NAALAD2: variants seen among roughly 807,000 people sequenced by gnomAD.
NAALAD2 encodes N-acetylated alpha-linked acidic dipeptidase 2.
Under a neutral mutation model 95.6 loss-of-function variants are expected in NAALAD2, and 89 were observed. The observed-to-expected ratio is 0.93, with a 90% CI of 0.78 to 1.11. NAALAD2 has a LOEUF of 1.11. Ranked by LOEUF, NAALAD2 falls within the 50% of genes least tolerant of loss-of-function variation. The pLI is 0.00. For missense variants in NAALAD2, 894 were observed against 872.4 expected, an observed-to-expected ratio of 1.02 and a Z score of -0.31; for synonymous variants, 264 against 294.4, an observed-to-expected ratio of 0.90 and a Z score of 1.06.
intron 8 of NAALAD2, among the ~76,000 whole-genome samples, chr11:90,159,918 C>T (rs1024688943): frequency 7.2e-6 from 1 of 139,600 alleles, no homozygotes; most frequent in Admixed American, 7.5e-5. Flanking sequence ...CGCGCCATTG[C>T]ACTTGAGCCT....
intron 11 of NAALAD2, among the ~76,000 whole-genome samples, chr11:90,167,360 TG>T (rs1326827363): frequency 1.3e-5 from 2 of 152,200 alleles, no homozygotes; most frequent in African/African-American, 4.8e-5. Flanking sequence ...GATTTCTCGC[TG>T]GGCCTTAGCT....
At chr11:90,184,907 T>C (rs1857088384) in intron 18 of NAALAD2, among the ~76,000 whole-genome samples, 2 of 152,202 alleles carry the variant, frequency 1.3e-5, no homozygotes, top group Admixed American at 1.3e-4. Context: ...TACAGACCTT[T>C]TTTGGGTCAT....
chr11:90,190,337 T>C (rs368394171), intron 18 of NAALAD2, among the ~76,000 whole-genome samples: 8 of 152,168 alleles, frequency 5.3e-5, no homozygotes, highest in East Asian at 3.8e-4. Flanking sequence ...AGTATTCTGA[T>C]TTTTAAAAAA....
In NAALAD2 at chr11:90,180,064, T is replaced by C. The variant is rs575450014; in HGVS notation, c.1859-1556T>C. ...TGTTAGTGTAGGAATGAAGGTATAA[T>C]TGATGAATGAATGAATGAATGAATG... On this transcript the variant is annotated intron_variant, in intron 16 of 18. Coordinates refer to ENST00000534061, the MANE Select transcript of NAALAD2 (RefSeq NM_005467.4). 6.1e-5 allele frequency among the ~76,000 whole-genome samples: 8 copies of C among 131,998 alleles called. No individual in the cohort carries two copies. In the East Asian group the frequency reaches 1.3e-3, roughly 22 times the overall value. 86.6% of individuals were successfully genotyped at this position (131,998 alleles called of 152,430 possible). A position where few individuals can be genotyped will look rare whatever the true frequency, so the allele number is the denominator to read the frequency against.
rs57694347 is a variant in NAALAD2 at position 90,177,586 on chromosome 11, G to GT, written c.1594-229dup. On this transcript the variant is annotated intron_variant, in intron 15 of 18. Coordinates refer to ENST00000534061, the MANE Select transcript of NAALAD2 (RefSeq NM_005467.4). Reference sequence around the variant, plus strand: ...TATGGTTGTATTTTTTCTTTTTCTTGTTTTTTTTTTTTTTTTTTTTTTTTT... The same window carrying GT: ...TATGGTTGTATTTTTTCTTTTTCTTGTTTTTTTTTTTTTTTTTTTTTTTTTT... Among the ~76,000 whole-genome samples, 20 of 28,458 alleles carry GT rather than the reference G, an allele frequency of 7.0e-4. 8 individuals are homozygous for GT. Among genetic ancestry groups the GT allele is most frequent in the African/African-American group, 1.2e-3 (9 of 7,250 alleles). The allele number at this position is 28,458 out of a possible 152,430, so 18.7% of individuals were successfully genotyped here.
In NAALAD2 at chr11:90,174,037, A is replaced by G; in HGVS notation, c.1502+122A>G. 6.6e-6 allele frequency: 5 copies of G among 763,236 alleles called. No homozygotes were observed. In the East Asian group the frequency reaches 1.3e-4, roughly 20 times the overall value. The allele number at this position is 763,236 out of a possible 1,614,324, so 47.3% of individuals were successfully genotyped here. A position where few individuals can be genotyped will look rare whatever the true frequency, so the allele number is the denominator to read the frequency against. On this transcript the variant is annotated intron_variant, in intron 14 of 18. Transcript: ENST00000534061. ...CAATAATTTGAGCCAAGAAAAGATA[A>G]TGAAGAATTCCTGGCCGAGCCCAGT...
At chr11:90,175,447 A>G (rs1459313845) in intron 14 of NAALAD2, among the ~76,000 whole-genome samples, 2 of 152,224 alleles carry the variant, frequency 1.3e-5, no homozygotes, top group African/African-American at 4.8e-5. Flanking sequence ...ATGCATATAT[A>G]TGTGATAGAT....
chr11:90,156,048 C>T (rs77933731), intron 6 of NAALAD2, among the ~76,000 whole-genome samples: 1 of 151,120 alleles, frequency 6.6e-6, no homozygotes, highest in Non-Finnish European at 1.5e-5. Flanking sequence ...TATTTTTGTA[C>T]TATTCTTCTG....
At position 90,172,313 on chromosome 11, in the gene NAALAD2, A is replaced by G. The variant is rs965755687; in HGVS notation, c.1411-1511A>G. 2.6e-5 allele frequency among the ~76,000 whole-genome samples: 4 copies of G among 152,144 alleles called. No homozygotes were observed. The East Asian group carries it at 5.8e-4, about 22-fold the overall frequency. On this transcript the variant is annotated intron_variant, in intron 13 of 18. Transcript: ENST00000534061. ...TGGACCCTCTATGCAGTCATAAAAT[A>G]TCATCTCATTCATACAAAGCTAAGG... is the stretch of plus-strand genomic sequence containing the variant.
At chr11:90,164,417 C>T (rs1387238967) in intron 11 of NAALAD2, 1 of 152,202 alleles carries the variant, frequency 6.6e-6, no homozygotes, top group Non-Finnish European at 1.5e-5. Context: ...CATAGGTAAA[C>T]TGTGTCATGG....
chr11:90,179,241 C>A (rs138440892), intron 16 of NAALAD2, among the ~76,000 whole-genome samples: 45 of 152,080 alleles, frequency 3.0e-4, no homozygotes, highest in African/African-American at 1.0e-3. Flanking sequence ...TTAGTATATA[C>A]CCAAATTATC....
chr11:90,141,676 C>G (rs939814766), intron 2 of NAALAD2, among the ~76,000 whole-genome samples: 18 of 151,998 alleles, frequency 1.2e-4, no homozygotes, highest in African/African-American at 4.4e-4. Flanking sequence ...TTTCAAACTC[C>G]TGGAGTTAAG....
intron 11 of NAALAD2, among the ~76,000 whole-genome samples, chr11:90,165,397 C>T (rs1284291357): frequency 6.6e-6 from 1 of 152,180 alleles, no homozygotes; most frequent in African/African-American, 2.4e-5. Context: ...TACTTACCTT[C>T]CCTCCTCCAT....
intron 11 of NAALAD2, 133 bp downstream of exon 11, chr11:90,163,750 T>C (rs1262354871): frequency 6.9e-6 from 6 of 868,916 alleles, no homozygotes; most frequent in Non-Finnish European, 1.1e-5. Context: ...CAAGACAATT[T>C]AAGAAATAGT....
chr11:90,172,948 C>T (rs915670865), intron 13 of NAALAD2, among the ~76,000 whole-genome samples: 6 of 149,696 alleles, frequency 4.0e-5, no homozygotes, highest in Non-Finnish European at 8.8e-5. Context: ...AATGCTTTCA[C>T]AGTTACTTAA....
chr11:90,163,482 C>T, intron 10 of NAALAD2, 53 bp downstream of exon 10: 1 of 1,612,958 alleles, frequency 6.2e-7, no homozygotes, highest in Admixed American at 1.7e-5. Flanking sequence ...ACTGAATTTT[C>T]TTTTATTTTT....
In NAALAD2 at chr11:90,186,184, C is replaced by G. The variant is rs552326807; in HGVS notation, c.2033+3176C>G. 2.3e-3 allele frequency among the ~76,000 whole-genome samples: 352 copies of G among 151,676 alleles called. 3 individuals are homozygous for G. The highest frequency in any genetic ancestry group is 2.2e-3 in the Non-Finnish European group (148 of 67,920). The stretch of plus-strand genomic sequence containing the variant: ...CAATACTATCCCTCCCTCCTCCCCC[C>G]ACCCCACCACAGTCCCCAGAGTGTG... On this transcript the variant is annotated intron_variant, in intron 18 of 18. Transcript: ENST00000534061.
chr11:90,150,610 A>T lies in NAALAD2; in HGVS notation c.609+3A>T, dbSNP rs369932250. 1 of 1,581,734 alleles carries T rather than the reference A, an allele frequency of 6.3e-7. No homozygotes were observed. Among genetic ancestry groups the T allele is most frequent in the Non-Finnish European group, 8.7e-7 (1 of 1,153,926 alleles). ...GAAAAATCTTCAGAGGAAATAAAGT[A>T]CAGTATTATTTGTTTTTCTACAGAG... On this transcript the variant is annotated splice_donor_region_variant and intron_variant, in intron 5 of 18. Coordinates refer to ENST00000534061, the MANE Select transcript of NAALAD2 (RefSeq NM_005467.4).
upstream of NAALAD2, chr11:90,134,526 G>A: frequency 1.9e-6 from 1 of 535,462 alleles, no homozygotes; most frequent in Non-Finnish European, 3.3e-6. Flanking sequence ...TCCACAGAAT[G>A]GAAGTTGCCC....
Sources: allele counts gnomAD v4.1 joint callset (sites outside exome capture counted in the v4.1 genomes callset), GRCh38; gene constraint gnomAD v4.1.1; transcripts MANE v1.5; gene names NCBI Gene and HGNC (gene_info 2026-07-23, HGNC 2026-07-21).